ST8SIA1: variants seen among roughly 807,000 people sequenced by gnomAD.
ST8SIA1 encodes the protein ST8 alpha-N-acetyl-neuraminide alpha-2,8-sialyltransferase 1.
In ST8SIA1, 16 loss-of-function variants were observed where a neutral mutation model predicts 35.9. That is an observed-to-expected ratio of 0.45 (90% CI 0.30 to 0.68). ST8SIA1 has a LOEUF of 0.68. Among genes scored for constraint, ST8SIA1 ranks in the 30% least tolerant of loss-of-function variants. ST8SIA1 has a pLI of 0.09. For synonymous variants in ST8SIA1, 170 were observed against 169.6 expected, an observed-to-expected ratio of 1.00 and a Z score of -0.02; for missense variants, 383 against 453.6, an observed-to-expected ratio of 0.84 and a Z score of 1.41.
At chr12:22,328,657 C>T (rs1009391392) in intron 1 of ST8SIA1, among the ~76,000 whole-genome samples, 1 of 152,140 alleles carries the variant, frequency 6.6e-6, no homozygotes, top group South Asian at 2.1e-4. Context: ...TACAATCATA[C>T]ATGCATGGTA....
chr12:22,292,334 G>T (rs1265781189), intron 1 of ST8SIA1, among the ~76,000 whole-genome samples: 1 of 152,036 alleles, frequency 6.6e-6, no homozygotes, highest in East Asian at 1.9e-4. Flanking sequence ...CTATTTATAT[G>T]CTATATATTT....
chr12:22,233,282 C>T (rs934589898), intron 4 of ST8SIA1, among the ~76,000 whole-genome samples: 3 of 151,966 alleles, frequency 2.0e-5, no homozygotes, highest in Non-Finnish European at 4.4e-5. Context: ...GGAACATCTT[C>T]GAAATGCTAA....
intron 3 of ST8SIA1, among the ~76,000 whole-genome samples, chr12:22,254,958 ATT>A (rs1267448103): frequency 6.6e-6 from 1 of 152,244 alleles, no homozygotes; most frequent in African/African-American, 2.4e-5. Flanking sequence ...GAAAAGAACA[ATT>A]TAAAAAGCCA....
intron 2 of ST8SIA1, chr12:22,286,439 G>A (rs1866102167): frequency 1.9e-6 from 1 of 518,814 alleles, no homozygotes; most frequent in Non-Finnish European, 3.8e-6. Flanking sequence ...GTGGCTAAAA[G>A]ATGTCTTGGG....
chr12:22,287,759 A>G (rs765613158), intron 1 of ST8SIA1, among the ~76,000 whole-genome samples: 2 of 152,208 alleles, frequency 1.3e-5, no homozygotes, highest in Admixed American at 6.5e-5. Flanking sequence ...TGGCAAGGGA[A>G]TACACAGAGT....
intron 1 of ST8SIA1, among the ~76,000 whole-genome samples, chr12:22,290,798 G>C (rs1866165071): frequency 6.6e-6 from 1 of 152,174 alleles, no homozygotes; most frequent in South Asian, 2.1e-4. Flanking sequence ...AGAATTTTTA[G>C]CGAATTTGGC....
chr12:22,311,767 ACTTGG>A, intron 1 of ST8SIA1, among the ~76,000 whole-genome samples: 1 of 152,302 alleles, frequency 6.6e-6, no homozygotes, highest in Middle Eastern at 3.4e-3. Flanking sequence ...AATCACCAGT[ACTTGG>A]CACGATCAAT....
At chr12:22,328,757 T>G (rs1309553223) in intron 1 of ST8SIA1, among the ~76,000 whole-genome samples, 1 of 152,228 alleles carries the variant, frequency 6.6e-6, no homozygotes, top group East Asian at 1.9e-4. Context: ...TAACAAGGAC[T>G]GAGCATTAAT....
intron 1 of ST8SIA1, among the ~76,000 whole-genome samples, chr12:22,332,912 C>T (rs1866787660): frequency 6.6e-6 from 1 of 152,140 alleles, no homozygotes; most frequent in Admixed American, 6.5e-5. Flanking sequence ...TTCCAACCAC[C>T]CAGACCACTA....
intron 2 of ST8SIA1, among the ~76,000 whole-genome samples, chr12:22,286,922 A>T (rs1866106913): frequency 6.6e-6 from 1 of 152,208 alleles, no homozygotes; most frequent in South Asian, 2.1e-4. Context: ...GACTCAAATC[A>T]GAAAGGCTAG....
At chr12:22,278,622 G>A (rs1865997954) in intron 2 of ST8SIA1, among the ~76,000 whole-genome samples, 1 of 152,036 alleles carries the variant, frequency 6.6e-6, no homozygotes, top group Non-Finnish European at 1.5e-5. Context: ...TTGTATATGG[G>A]GCTGTTAGCC....
intron 1 of ST8SIA1, among the ~76,000 whole-genome samples, chr12:22,316,559 C>T (rs1025445780): frequency 2.6e-5 from 4 of 151,910 alleles, no homozygotes; most frequent in South Asian, 2.1e-4. Flanking sequence ...TTGGGCTGCA[C>T]GATTCATGAC....
At chr12:22,299,499 C>G (rs751228758) in intron 1 of ST8SIA1, among the ~76,000 whole-genome samples, 1 of 151,970 alleles carries the variant, frequency 6.6e-6, no homozygotes, top group Non-Finnish European at 1.5e-5. Flanking sequence ...CATGAATAGT[C>G]TGTGTAAGTC....
intron 2 of ST8SIA1, among the ~76,000 whole-genome samples, chr12:22,273,547 T>C (rs1170811811): frequency 6.6e-6 from 1 of 152,306 alleles, no homozygotes; most frequent in African/African-American, 2.4e-5. Flanking sequence ...TTCCTGGTCA[T>C]GAGACAAGAA....
chr12:22,253,285 T>C (rs1400115289), intron 3 of ST8SIA1, among the ~76,000 whole-genome samples: 1 of 152,178 alleles, frequency 6.6e-6, no homozygotes, highest in East Asian at 1.9e-4. Context: ...AATGCCAAAG[T>C]ACTGGAGAGG....
chr12:22,300,435 A>C (rs1363604051), intron 1 of ST8SIA1, among the ~76,000 whole-genome samples: 1 of 152,182 alleles, frequency 6.6e-6, no homozygotes, highest in Non-Finnish European at 1.5e-5. Context: ...CTAATGCAAG[A>C]CCAACATATG....
chr12:22,282,986 G>A (rs1054515357), intron 2 of ST8SIA1, among the ~76,000 whole-genome samples: 1 of 152,050 alleles, frequency 6.6e-6, no homozygotes, highest in Non-Finnish European at 1.5e-5. Flanking sequence ...GCACACTACT[G>A]TGAAGGAAAA....
At chr12:22,215,185 G>T (rs892171919) in intron 4 of ST8SIA1, among the ~76,000 whole-genome samples, 60 of 152,148 alleles carry the variant, frequency 3.9e-4, no homozygotes, top group African/African-American at 1.4e-3. Context: ...ACAAAAATTT[G>T]CTCAAAAGTG....
At chr12:22,327,351 A>G (rs966477947) in intron 1 of ST8SIA1, among the ~76,000 whole-genome samples, 2 of 152,224 alleles carry the variant, frequency 1.3e-5, no homozygotes, top group Non-Finnish European at 2.9e-5. Context: ...CCACAGCACC[A>G]AATCAAAGAT....
Sources: gnomAD v4.1 joint callset for allele counts (sites outside exome capture counted in the v4.1 genomes callset) on GRCh38, gnomAD v4.1.1 for gene constraint, MANE v1.5 for transcripts, NCBI Gene and HGNC (gene_info 2026-07-23, HGNC 2026-07-21) for gene names.